The following AXL variants were observed in gnomAD, a reference collection of about 807,000 sequenced individuals.
AXL encodes the protein AXL receptor tyrosine kinase.
A neutral mutation model predicts 104.5 loss-of-function variants in AXL; 52 were observed. The observed-to-expected ratio is 0.50, with a 90% CI of 0.40 to 0.63. The LOEUF is 0.63. AXL is among the 20% of genes least tolerant of loss of function. AXL has a pLI of 0.00. For missense variants in AXL, 1,024 were observed against 1,188.5 expected (o/e 0.86, Z 2.04); for synonymous variants, 455 against 473.7 (o/e 0.96, Z 0.51).
At chr19:41,253,844 G>A (rs757253239) in intron 17 of AXL, 136 bp downstream of exon 17, 2 of 698,480 alleles carry the variant, frequency 2.9e-6, no homozygotes, top group Non-Finnish European at 5.0e-6. Context: ...AGGAAAGTCA[G>A]TAAGGGGGTC....
chr19:41,237,381 T>C (rs1599732791), intron 6 of AXL, among the ~76,000 whole-genome samples: 1 of 152,280 alleles, frequency 6.6e-6, no homozygotes, highest in East Asian at 1.9e-4. Flanking sequence ...TAGCTGGGAT[T>C]ACAGGCGAGC....
chr19:41,259,958 G>A lies in AXL; in HGVS notation c.*54G>A, dbSNP rs1033950315. The A allele has an allele frequency of 1.2e-5, 17 of 1,454,312 alleles. No homozygotes were observed. In the African/African-American group the frequency reaches 2.4e-4, roughly 21 times the overall value. The allele number at this position is 1,454,312 out of a possible 1,614,324, so 90.1% of individuals were successfully genotyped here. ...AGGATCCAAGCTAAGCACTGCCACT[G>A]GGGAAAACTCCACCTTCCCACTTTC... On this transcript the variant is annotated 3_prime_UTR_variant, in exon 20 of 20. Coordinates refer to ENST00000301178, the MANE Select transcript of AXL (RefSeq NM_021913.5).
At chr19:41,257,136 CG>C (rs1568419434) in intron 18 of AXL, among the ~76,000 whole-genome samples, 1 of 152,100 alleles carries the variant, frequency 6.6e-6, no homozygotes, top group Non-Finnish European at 1.5e-5. Context: ...CTCTGCCTCC[CG>C]GGTTCAAGCA....
At chr19:41,232,744 G>T (rs1164862499) in intron 6 of AXL, among the ~76,000 whole-genome samples, 3 of 152,166 alleles carry the variant, frequency 2.0e-5, no homozygotes, top group African/African-American at 7.2e-5. Context: ...AGTTGGAGAT[G>T]GGGGGTGGAC....
rs780775183 is a variant in AXL at position 41,238,151 on chromosome 19, G to A, written c.991G>A (p.Gly331Arg). 1.2e-6 allele frequency: 2 copies of A among 1,614,026 alleles called. No homozygotes were observed. The highest frequency in any genetic ancestry group is 2.2e-5 in the East Asian group (1 of 44,884). ...THWLPVETPE[G>R]VPLGPPENIS... ...CTGGCTTCCTGTGGAGACGCCGGAGGGAGGTAAGAAGGGTTGGGGAGGGAC... is the reference window on the plus strand; with the variant it reads ...CTGGCTTCCTGTGGAGACGCCGGAGAGAGGTAAGAAGGGTTGGGGAGGGAC... The change falls in exon 7 of 20, where the codon GGA (glycine) becomes AGA (arginine). Residue 331 changes from glycine (G) to arginine (R), a missense_variant. This residue lies in a region of AXL where 332 missense variants were observed against 343.9 expected (regional missense o/e 0.97). Transcript: ENST00000301178.
At chr19:41,230,924 GC>G (rs753783618) in intron 4 of AXL, 42 bp from the exon 5 acceptor site, 8 of 1,598,834 alleles carry the variant, frequency 5.0e-6, no homozygotes, top group Non-Finnish European at 6.9e-6. Context: ...AGCCCTTCCT[GC>G]CCCTCTCTGA....
At chr19:41,227,842 A>G (rs1040709294) in intron 4 of AXL, among the ~76,000 whole-genome samples, 1 of 152,096 alleles carries the variant, frequency 6.6e-6, no homozygotes, top group Non-Finnish European at 1.5e-5. Flanking sequence ...TGAGCACTGC[A>G]GTACCAGGAC....
rs1261812707 is a variant in AXL at position 41,254,390 on chromosome 19, AAAAG to A, written c.2036+706_2036+709del. On this transcript the variant is annotated intron_variant, in intron 17 of 19. Transcript: ENST00000301178. ...AGACTCTGTCTCAAAAAAAAAAAAAAAAAGAAAGAAAGAAAGAAAGAAAGAAAAA... is the reference window on the plus strand; with the variant it reads ...AGACTCTGTCTCAAAAAAAAAAAAAAAAAGAAAGAAAGAAAGAAAGAAAAA... 6.9e-3 allele frequency among the ~76,000 whole-genome samples: 996 copies of A among 145,296 alleles called. 17 individuals are homozygous for A. The highest frequency in any genetic ancestry group is 0.022 in the South Asian group (102 of 4,676).
chr19:41,221,166 C>G lies in AXL; in HGVS notation c.329C>G (p.Ser110Cys). ...GTCAGAATCACCTCCCTGCAGCTTT[C>G]CGACACGGGACAGTACCAGTGTTTG... ...SQLRITSLQL[S>C]DTGQYQCLVF... The change falls in exon 3 of 20, where the codon TCC (serine) becomes TGC (cysteine). Residue 110 changes from serine to cysteine, a missense_variant. Ser to Cys is a moderately radical substitution (Grantham distance 112). Transcript: ENST00000301178. 1 of 1,614,074 alleles carries G rather than the reference C, an allele frequency of 6.2e-7. No individual in the cohort carries two copies.
chr19:41,231,127 G>A (rs1382804811), intron 5 of AXL, 56 bp from the exon 6 acceptor site: 1 of 1,610,476 alleles, frequency 6.2e-7, no homozygotes, highest in Non-Finnish European at 8.5e-7. Flanking sequence ...CAGAGAGCAG[G>A]GTAGGGAGCT....
At chr19:41,250,668 CTT>C in intron 14 of AXL, among the ~76,000 whole-genome samples, 1 of 152,328 alleles carries the variant, frequency 6.6e-6, no homozygotes, top group Admixed American at 6.5e-5. Context: ...GTCTCTATCT[CTT>C]GACCTCATGA....
intron 12 of AXL, among the ~76,000 whole-genome samples, chr19:41,247,690 C>T (rs1393075991): frequency 6.6e-6 from 1 of 151,224 alleles, no homozygotes; most frequent in Admixed American, 6.6e-5. Flanking sequence ...CTCAAGTGAT[C>T]CTCCAACCTC....
chr19:41,234,204 G>C (rs2034041638), intron 6 of AXL, among the ~76,000 whole-genome samples: 1 of 152,122 alleles, frequency 6.6e-6, no homozygotes, highest in Admixed American at 6.6e-5. Flanking sequence ...CTGGGCCTTG[G>C]CTTCCCTGTC....
intron 12 of AXL, among the ~76,000 whole-genome samples, chr19:41,245,322 C>A (rs945124390): frequency 2.6e-5 from 4 of 152,150 alleles, no homozygotes; most frequent in Non-Finnish European, 5.9e-5. Flanking sequence ...TACTCTACAC[C>A]CTTATACTTT....
intron 1 of AXL, among the ~76,000 whole-genome samples, chr19:41,220,093 C>G (rs2033759873): frequency 6.6e-6 from 1 of 152,178 alleles, no homozygotes; most frequent in Admixed American, 6.5e-5. Context: ...CTCAGCCTCC[C>G]TCTGTGACTG....
rs868849001 is a variant in AXL, at chr19:41,252,945, C to T, written c.1904C>T (p.Ser635Phe). The change falls in exon 16 of 20, where the codon TCC (serine) becomes TTC (phenylalanine). Residue 635 changes from serine (S) to phenylalanine (F), a missense_variant. Ser to Phe is a radical substitution (Grantham distance 155). Around this residue, in one of 5 missense-constraint regions of AXL, gnomAD observed 523 missense variants for 636.0 expected, o/e 0.82. Transcript: ENST00000301178. ...GACCTACACAGCTTCCTCCTCTATT[C>T]CCGGCTCGGGGACCAGCCAGTGGTA... The part of the protein sequence containing the change: ...HGDLHSFLLY[S>F]RLGDQPVYLP... 12 of 1,614,148 alleles carry T rather than the reference C, an allele frequency of 7.4e-6. No individual in the cohort carries two copies. The highest frequency in any genetic ancestry group is 1.0e-5 in the Non-Finnish European group (12 of 1,180,024).
chr19:41,252,476 G>A (rs1253154110), intron 15 of AXL, 33 bp downstream of exon 15: 2 of 1,604,110 alleles, frequency 1.2e-6, no homozygotes, highest in Admixed American at 1.7e-5. Flanking sequence ...GGGTCTACAA[G>A]CCCCATGGGG....
intron 10 of AXL, among the ~76,000 whole-genome samples, chr19:41,241,555 A>G (rs2034181873): frequency 6.6e-6 from 1 of 151,536 alleles, no homozygotes; most frequent in African/African-American, 2.4e-5. Context: ...AAAAAAAAAA[A>G]AAAAGAAAGA....
chr19:41,232,486 G>C (rs952269139), intron 6 of AXL, among the ~76,000 whole-genome samples: 5 of 152,080 alleles, frequency 3.3e-5, no homozygotes, highest in African/African-American at 9.7e-5. Flanking sequence ...AGCCGGGTGT[G>C]GTGGCACACA....
Sources: gnomAD v4.1 joint callset for allele counts (sites outside exome capture counted in the v4.1 genomes callset) on GRCh38, gnomAD v4.1.1 for gene constraint, gnomAD v4.1.1 regional missense constraint, MANE v1.5 for transcripts, NCBI Gene and HGNC (gene_info 2026-07-23, HGNC 2026-07-21) for gene names.